MED13L: variants seen among roughly 807,000 people sequenced by gnomAD.
MED13L encodes mediator of RNA polymerase II transcription subunit 13-like.
A neutral mutation model predicts 220.9 loss-of-function variants in MED13L; 7 were observed. The ratio of observed to expected loss-of-function variants is 0.03; its 90% CI spans 0.02 to 0.06. The LOEUF (loss-of-function observed/expected upper bound fraction) is 0.06, where lower values mean the gene tolerates loss of function less well. MED13L is among the 10% of genes least tolerant of loss of function. MED13L has a pLI of 1.00. For missense variants in MED13L, 1,965 were observed against 2,760.5 expected, an observed-to-expected ratio of 0.71 and a Z score of 6.46; for synonymous variants, 1,011 against 1,015.2, an observed-to-expected ratio of 1.00 and a Z score of 0.08.
At chr12:115,982,212 T>C (rs1344896681) in intron 22 of MED13L, 172 bp downstream of exon 22, 5 of 655,498 alleles carry the variant, frequency 7.6e-6, no homozygotes, top group Non-Finnish European at 1.3e-5. Context: ...CCATTATATA[T>C]ATGCAAATAT....
intron 4 of MED13L, among the ~76,000 whole-genome samples, chr12:116,068,979 T>C (rs892503930): frequency 3.3e-5 from 5 of 152,244 alleles, no homozygotes; most frequent in East Asian, 1.9e-4. Context: ...CTAACGTCAT[T>C]ACCGAGTGCC....
At chr12:116,055,174 G>A (rs1868845449) in intron 4 of MED13L, among the ~76,000 whole-genome samples, 1 of 152,158 alleles carries the variant, frequency 6.6e-6, no homozygotes, top group African/African-American at 2.4e-5. Flanking sequence ...TGACTAAAAA[G>A]AGGCATAAGG....
intron 25 of MED13L, 62 bp from the exon 26 acceptor site, chr12:115,972,298 G>A: frequency 1.3e-6 from 2 of 1,591,544 alleles, no homozygotes; most frequent in Non-Finnish European, 1.7e-6. Context: ...GGAGATTTGA[G>A]CTTTTTAGCA....
chr12:116,024,470 T>G (rs1285052268), intron 4 of MED13L, among the ~76,000 whole-genome samples: 1 of 152,126 alleles, frequency 6.6e-6, no homozygotes, highest in African/African-American at 2.4e-5. Context: ...TTGCCCAGCT[T>G]TTAAATCTGG....
At chr12:116,101,028 G>A (rs1408024312) in intron 3 of MED13L, among the ~76,000 whole-genome samples, 1 of 152,158 alleles carries the variant, frequency 6.6e-6, no homozygotes, top group Admixed American at 6.5e-5. Context: ...GGTCAACTAC[G>A]AAGCATGTCC....
chr12:116,217,177 C>A (rs1883049059), intron 2 of MED13L, among the ~76,000 whole-genome samples: 1 of 152,152 alleles, frequency 6.6e-6, no homozygotes, highest in African/African-American at 2.4e-5. Flanking sequence ...CAGCATGACA[C>A]ATGAGCATGA....
At chr12:116,073,856 A>G (rs1293965057) in intron 4 of MED13L, among the ~76,000 whole-genome samples, 2 of 152,172 alleles carry the variant, frequency 1.3e-5, no homozygotes, top group African/African-American at 4.8e-5. Context: ...TACAAATTCA[A>G]TTACTGATCT....
chr12:116,070,162 G>C (rs1278090081), intron 4 of MED13L, among the ~76,000 whole-genome samples: 8 of 152,148 alleles, frequency 5.3e-5, no homozygotes, highest in Non-Finnish European at 1.2e-4. Context: ...CCAAGGGCAG[G>C]AGCTATTATA....
At chr12:116,047,809 A>G (rs1881928607) in intron 4 of MED13L, among the ~76,000 whole-genome samples, 1 of 152,216 alleles carries the variant, frequency 6.6e-6, no homozygotes, top group Non-Finnish European at 1.5e-5. Flanking sequence ...CATAACCTGT[A>G]TATTTCATCT....
At chr12:116,243,915 C>G (rs527575241) in intron 1 of MED13L, among the ~76,000 whole-genome samples, 162 of 152,138 alleles carry the variant, frequency 1.1e-3, no homozygotes, top group Admixed American at 3.1e-3. Flanking sequence ...GTCTCCTGGC[C>G]CAGGCTAATT....
intron 21 of MED13L, 56 bp from the exon 22 acceptor site, chr12:115,982,659 G>C: frequency 6.9e-7 from 1 of 1,452,136 alleles, no homozygotes; most frequent in Non-Finnish European, 9.6e-7. Flanking sequence ...ACACGAACAT[G>C]AAAAACAAAA....
intron 2 of MED13L, among the ~76,000 whole-genome samples, chr12:116,140,583 G>A (rs1876983344): frequency 1.3e-5 from 2 of 152,146 alleles, no homozygotes; most frequent in African/African-American, 2.4e-5. Flanking sequence ...GCAGCTACCG[G>A]GAAAGGAACA....
chr12:116,031,636 G>A lies in MED13L; in HGVS notation c.480-9035C>T, dbSNP rs1355787826. On this transcript the variant is annotated intron_variant, in intron 4 of 30. Transcript: ENST00000281928. The stretch of plus-strand genomic sequence containing the variant: ...AAGAGAAGGAGGGGAGGGGAGGGGA[G>A]GGGAGGGGGGACGGGACGGGACGGG... 2.4e-5 allele frequency among the ~76,000 whole-genome samples: 3 copies of A among 123,778 alleles called. No individual in the cohort carries two copies. In the Admixed American group the frequency reaches 2.7e-4, roughly 11 times the overall value. 81.2% of individuals were successfully genotyped at this position (123,778 alleles called of 152,430 possible). A position where few individuals can be genotyped will look rare whatever the true frequency, so the allele number is the denominator to read the frequency against.
intron 2 of MED13L, among the ~76,000 whole-genome samples, chr12:116,147,072 T>C (rs1399753720): frequency 2.0e-5 from 3 of 152,250 alleles, no homozygotes; most frequent in South Asian, 2.1e-4. Context: ...CCAGGGCCCA[T>C]TGCCTCAGAG....
At position 115,984,329 on chromosome 12, in the gene MED13L, C is replaced by T. The variant is rs543711219; in HGVS notation, c.4382G>A (p.Arg1461His). Residue 1461 changes from arginine (R) to histidine (H), a missense_variant, in exon 20 of 31, where the codon CGT (arginine) becomes CAT (histidine). Transcript: ENST00000281928. ...GQHKPICKVL[R>H]DGIMRVGKTV... ...TTTTCCCACGCGCATGATCCCGTCA[C>T]GTAGCACTTTGCAGATGGGCTTGTG... The T allele has an allele frequency of 9.3e-6, 15 of 1,614,096 alleles. No homozygotes were observed. Among genetic ancestry groups the T allele is most frequent in the South Asian group, 5.5e-5 (5 of 91,080 alleles).
intron 2 of MED13L, among the ~76,000 whole-genome samples, chr12:116,120,412 C>T (rs932394355): frequency 4.0e-5 from 6 of 150,930 alleles, no homozygotes; most frequent in Admixed American, 1.3e-4. Context: ...GACAAAACCA[C>T]ATTTTGGCTT....
At chr12:116,000,860 G>A (rs368534703) in intron 14 of MED13L, among the ~76,000 whole-genome samples, 5 of 151,982 alleles carry the variant, frequency 3.3e-5, no homozygotes, top group African/African-American at 1.2e-4. Flanking sequence ...CTGGCCACAC[G>A]TGGCTACTGA....
chr12:116,145,395 T>A (rs995528172), intron 2 of MED13L, among the ~76,000 whole-genome samples: 18 of 152,190 alleles, frequency 1.2e-4, no homozygotes, highest in Non-Finnish European at 2.4e-4. Flanking sequence ...GCCTAGCTCA[T>A]CTAAAAAGTA....
intron 4 of MED13L, among the ~76,000 whole-genome samples, chr12:116,056,160 A>T (rs942151096): frequency 1.4e-4 from 21 of 152,156 alleles, no homozygotes; most frequent in African/African-American, 4.8e-4. Context: ...GAAGCAACAA[A>T]CTACAGCAAT....
Sources: gnomAD v4.1 joint callset for allele counts (sites outside exome capture counted in the v4.1 genomes callset) on GRCh38, gnomAD v4.1.1 for gene constraint, MANE v1.5 for transcripts, NCBI Gene and HGNC (gene_info 2026-07-23, HGNC 2026-07-21) for gene names.